PRKCI: variants seen among roughly 807,000 people sequenced by gnomAD.
The protein encoded by PRKCI is protein kinase C iota type.
PRKCI carries 43 observed loss-of-function variants against 84.0 expected under a neutral mutation model. The ratio of observed to expected loss-of-function variants is 0.51; its 90% CI spans 0.40 to 0.66. PRKCI has a LOEUF of 0.66. Ranked by LOEUF, PRKCI falls within the 30% of genes least tolerant of loss-of-function variation. PRKCI has a pLI of 0.00. For synonymous variants in PRKCI, 216 were observed against 234.4 expected (o/e 0.92, Z 0.72); for missense variants, 459 against 745.6 (o/e 0.62, Z 4.48).
chr3:170,279,714 G>C (rs562775828), intron 8 of PRKCI, among the ~76,000 whole-genome samples: 1 of 152,154 alleles, frequency 6.6e-6, no homozygotes, highest in East Asian at 1.9e-4. Flanking sequence ...CTCTGAATGT[G>C]TGCTCTCACT....
At chr3:170,248,666 G>A (rs1733356613) in intron 2 of PRKCI, among the ~76,000 whole-genome samples, 1 of 152,140 alleles carries the variant, frequency 6.6e-6, no homozygotes, top group African/African-American at 2.4e-5. Flanking sequence ...AACATACGTA[G>A]AATCAGTAAC....
chr3:170,294,061 A>C (rs1734636455), intron 14 of PRKCI, among the ~76,000 whole-genome samples: 1 of 152,108 alleles, frequency 6.6e-6, no homozygotes, highest in South Asian at 2.1e-4. Flanking sequence ...TTACCTTCTC[A>C]TACTCAAAAT....
rs1181668376 is a variant in PRKCI at position 170,303,202 on chromosome 3, C to A, written c.*75C>A. On this transcript the variant is annotated 3_prime_UTR_variant, in exon 18 of 18. Coordinates refer to ENST00000295797, the MANE Select transcript of PRKCI (RefSeq NM_002740.6). The stretch of plus-strand genomic sequence containing the variant: ...GATAAACTTGCTGCAAGCCTGGATA[C>A]AATTAACCATTTTATATTTGCCACC... 32 of 1,119,206 alleles carry A rather than the reference C, an allele frequency of 2.9e-5. No homozygotes were observed. The Admixed American group carries it at 6.4e-4, about 22-fold the overall frequency. 69.3% of individuals were successfully genotyped at this position (1,119,206 alleles called of 1,614,324 possible). A position where few individuals can be genotyped will look rare whatever the true frequency, so the allele number is the denominator to read the frequency against.
intron 6 of PRKCI, among the ~76,000 whole-genome samples, chr3:170,272,179 A>G (rs1734019451): frequency 6.6e-6 from 1 of 152,184 alleles, no homozygotes; most frequent in Non-Finnish European, 1.5e-5. Context: ...TTAAGGATCC[A>G]GAATTAGAAT....
chr3:170,270,302 T>C, intron 5 of PRKCI, 119 bp from the exon 6 acceptor site: 1 of 1,017,546 alleles, frequency 9.8e-7, no homozygotes, highest in Admixed American at 3.1e-5. Context: ...GCTTTTGTTT[T>C]TGTTTTTGTT....
intron 1 of PRKCI, among the ~76,000 whole-genome samples, chr3:170,231,938 AC>A (rs955458702): frequency 6.6e-6 from 1 of 152,200 alleles, no homozygotes; most frequent in African/African-American, 2.4e-5. Flanking sequence ...GTGGTGGCTC[AC>A]GCCTGTAATT....
At chr3:170,269,795 T>TA (rs1159947726) in intron 5 of PRKCI, among the ~76,000 whole-genome samples, 1 of 152,022 alleles carries the variant, frequency 6.6e-6, no homozygotes, top group Non-Finnish European at 1.5e-5. Context: ...CCATCTCTAC[T>TA]AAAAATACAA....
At chr3:170,230,531 T>C (rs893433867) in intron 1 of PRKCI, among the ~76,000 whole-genome samples, 4 of 152,232 alleles carry the variant, frequency 2.6e-5, no homozygotes. Flanking sequence ...GGTTTTGCCA[T>C]GTTGGCCAGG....
chr3:170,236,864 C>A (rs1252857706), intron 2 of PRKCI, among the ~76,000 whole-genome samples: 175 of 125,526 alleles, frequency 1.4e-3, no homozygotes, highest in South Asian at 1.5e-3. Context: ...GACCCTGTCT[C>A]AAAAAAAAAA....
At chr3:170,273,819 A>AAG (rs975090360) in intron 7 of PRKCI, among the ~76,000 whole-genome samples, 3 of 149,328 alleles carry the variant, frequency 2.0e-5, no homozygotes, top group Admixed American at 1.3e-4. Context: ...CATCTCAAAA[A>AAG]AGAGAGAGAG....
chr3:170,270,099 A>G (rs957810693), intron 5 of PRKCI, among the ~76,000 whole-genome samples: 48 of 152,204 alleles, frequency 3.2e-4, no homozygotes, highest in Admixed American at 2.2e-3. Context: ...GAGTCCTTCA[A>G]TGGCTTTTTC....
intron 5 of PRKCI, among the ~76,000 whole-genome samples, chr3:170,268,552 T>G (rs1733921254): frequency 6.6e-6 from 1 of 151,490 alleles, no homozygotes; most frequent in Admixed American, 6.6e-5. Flanking sequence ...GTAAGAAAAT[T>G]GAATTTTAAA....
chr3:170,241,659 G>T (rs1323804782), intron 2 of PRKCI, among the ~76,000 whole-genome samples: 4 of 151,892 alleles, frequency 2.6e-5, no homozygotes, highest in African/African-American at 9.7e-5. Context: ...TTGAGAGAGG[G>T]AGAGAGAGAG....
intron 17 of PRKCI, among the ~76,000 whole-genome samples, chr3:170,301,381 C>A (rs185727512): frequency 5.9e-5 from 9 of 152,300 alleles, no homozygotes; most frequent in Admixed American, 5.2e-4. Flanking sequence ...TATCCCCTGC[C>A]GTTAGATCTC....
chr3:170,226,866 C>T (rs1041593320), intron 1 of PRKCI, among the ~76,000 whole-genome samples: 2 of 151,874 alleles, frequency 1.3e-5, no homozygotes, highest in Non-Finnish European at 2.9e-5. Flanking sequence ...CATAGCTTGG[C>T]CAAAGAGAGA....
intron 7 of PRKCI, 36 bp from the exon 8 acceptor site, chr3:170,275,187 CTTTTTT>C: frequency 2.2e-5 from 29 of 1,310,466 alleles, no homozygotes; most frequent in South Asian, 1.3e-4. Flanking sequence ...TCTCCTGCAC[CTTTTTT>C]TTTTTTTTTT....
intron 4 of PRKCI, among the ~76,000 whole-genome samples, chr3:170,264,090 G>A (rs190737538): frequency 5.4e-4 from 82 of 151,832 alleles, no homozygotes; most frequent in African/African-American, 1.9e-3. Flanking sequence ...AATTTTTAAC[G>A]TTTTCCCTGT....
At chr3:170,271,467 T>G (rs1734004087) in intron 6 of PRKCI, among the ~76,000 whole-genome samples, 1 of 152,208 alleles carries the variant, frequency 6.6e-6, no homozygotes, top group Non-Finnish European at 1.5e-5. Flanking sequence ...TATTATAATT[T>G]TGTTTTTATA....
rs544050980 is a variant in PRKCI at position 170,281,646 on chromosome 3, G to A, written c.981-236G>A. 4.4e-4 allele frequency: 206 copies of A among 464,136 alleles called. 1 individual carries two copies. Among genetic ancestry groups the A allele is most frequent in the African/African-American group, 3.0e-3 (152 of 50,160 alleles). The allele number at this position is 464,136 out of a possible 1,614,324, so 28.8% of individuals were successfully genotyped here. On this transcript the variant is annotated intron_variant, in intron 10 of 17. Coordinates refer to ENST00000295797, the MANE Select transcript of PRKCI (RefSeq NM_002740.6). ...AATTAGGATGGTAATGAGTGGCTCT[G>A]GATTGCAAGTGGTACTACTTTAGAA...
Sources: gnomAD v4.1 joint callset for allele counts (sites outside exome capture counted in the v4.1 genomes callset) on GRCh38, gnomAD v4.1.1 for gene constraint, MANE v1.5 for transcripts, NCBI Gene and HGNC (gene_info 2026-07-23, HGNC 2026-07-21) for gene names.